The following EZR variants were observed in gnomAD, a reference collection of about 807,000 sequenced individuals.
EZR encodes ezrin, also known as cytovillin 2.
EZR carries 40 observed loss-of-function variants against 74.8 expected under a neutral mutation model. That is an observed-to-expected ratio of 0.53 (90% CI 0.42 to 0.70). The LOEUF is 0.70. Ranked by LOEUF, EZR falls within the 30% of genes least tolerant of loss-of-function variation. EZR has a pLI of 0.00. For missense variants in EZR, 678 were observed against 755.8 expected, an observed-to-expected ratio of 0.90 and a Z score of 1.21; for synonymous variants, 341 against 283.3, an observed-to-expected ratio of 1.20 and a Z score of -2.05.
chr6:158,810,735 GT>G (rs201015323), intron 2 of EZR, among the ~76,000 whole-genome samples: 2,276 of 152,252 alleles, frequency 0.015, 70 homozygotes, highest in African/African-American at 0.052. Flanking sequence ...GGAACCCAGA[GT>G]TTTTACCTAA....
rs960060942 is a variant in EZR, at chr6:158,779,911, T to C, written c.699-3407A>G. 1.4e-3 allele frequency among the ~76,000 whole-genome samples: 133 copies of C among 92,398 alleles called. 1 individual carries two copies. Among genetic ancestry groups the C allele is most frequent in the Non-Finnish European group, 4.9e-4 (22 of 44,506 alleles). 60.6% of individuals were successfully genotyped at this position (92,398 alleles called of 152,430 possible). On this transcript the variant is annotated intron_variant, in intron 7 of 13. Transcript: ENST00000367075. ...TTAAAATGCAAGAATGGGCCAGGCA[T>C]GGTGGCTTACACCTGTATCCCAGCA...
At chr6:158,816,160 C>T (rs1777549082) in intron 2 of EZR, among the ~76,000 whole-genome samples, 1 of 152,012 alleles carries the variant, frequency 6.6e-6, no homozygotes, top group Non-Finnish European at 1.5e-5. Flanking sequence ...TGGTGGTTGC[C>T]AAGGGCTGGT....
chr6:158,803,044 A>G (rs6913904), intron 2 of EZR, among the ~76,000 whole-genome samples: 10,933 of 151,938 alleles, frequency 0.072, 890 homozygotes, highest in African/African-American at 0.19. Context: ...CATGCCACTC[A>G]CACCTCCTTT....
chr6:158,774,018 T>TCC (rs1455434440), intron 8 of EZR, among the ~76,000 whole-genome samples: 1 of 152,180 alleles, frequency 6.6e-6, no homozygotes, highest in Non-Finnish European at 1.5e-5. Flanking sequence ...AGACGCCAGT[T>TCC]GTTGGGTGAG....
chr6:158,818,169 G>A lies in EZR; in HGVS notation c.-73-3C>T. On this transcript the variant is annotated splice_region_variant and splice_polypyrimidine_tract_variant and intron_variant, in intron 1 of 13. Coordinates refer to ENST00000367075, the MANE Select transcript of EZR (RefSeq NM_001111077.2). Reference sequence around the variant, plus strand: ...AGCAGCGAAGACGCTGTCCCAACCTGGAGTCAGAGCAGAACCCTTAGAGCG... The same window carrying A: ...AGCAGCGAAGACGCTGTCCCAACCTAGAGTCAGAGCAGAACCCTTAGAGCG... 1.3e-6 allele frequency: 2 copies of A among 1,566,160 alleles called. No homozygotes were observed. Among genetic ancestry groups the A allele is most frequent in the South Asian group, 1.1e-5 (1 of 88,854 alleles).
At chr6:158,788,666 A>AAC (rs1388669094) in intron 3 of EZR, among the ~76,000 whole-genome samples, 1 of 151,222 alleles carries the variant, frequency 6.6e-6, no homozygotes, top group Non-Finnish European at 1.5e-5. Context: ...AAAAAAAAAC[A>AAC]ACGCTGTATT....
At chr6:158,809,152 C>G (rs908144587) in intron 2 of EZR, among the ~76,000 whole-genome samples, 18 of 152,116 alleles carry the variant, frequency 1.2e-4, no homozygotes, top group African/African-American at 4.1e-4. Context: ...AGACAAAAAG[C>G]ACAAATAAAC....
At position 158,769,396 on chromosome 6, in the gene EZR, G is replaced by C. The variant is rs1791024468; in HGVS notation, c.1274C>G (p.Thr425Ser). 1 of 1,607,772 alleles carries C rather than the reference G, an allele frequency of 6.2e-7. No individual in the cohort carries two copies. Among genetic ancestry groups the C allele is most frequent in the Admixed American group, 1.7e-5 (1 of 60,006 alleles). ...EQLAAELAEYTAKIALLEEAR... is the reference protein window; with the variant it reads ...EQLAAELAEYSAKIALLEEAR... Reference sequence around the variant, plus strand: ...CTCTTCCAGGAGGGCAATCTTGGCAGTGTATTCTGCAAGCTCCGCAGCCTG... The same window carrying C: ...CTCTTCCAGGAGGGCAATCTTGGCACTGTATTCTGCAAGCTCCGCAGCCTG... Residue 425 changes from threonine (T) to serine (S), a missense_variant, in exon 12 of 14, where the codon ACT becomes AGT. Transcript: ENST00000367075.
At chr6:158,813,132 C>G (rs1231590405) in intron 2 of EZR, among the ~76,000 whole-genome samples, 1 of 152,184 alleles carries the variant, frequency 6.6e-6, no homozygotes, top group Non-Finnish European at 1.5e-5. Context: ...CCTGACCTGT[C>G]TTCCTCTCTA....
rs573816250 is a variant in EZR, at chr6:158,785,421, G to C, written c.355C>G (p.Pro119Ala). 113 of 1,614,182 alleles carry C rather than the reference G, an allele frequency of 7.0e-5. No homozygotes were observed. The South Asian group carries it at 1.1e-3, about 16-fold the overall frequency. Reference protein sequence around the residue: ...GILSDEIYCPPETAVLLGSYA... With the variant: ...GILSDEIYCPAETAVLLGSYA... ...GACCCCAAGAGCACGGCAGTCTCAG[G>C]GGGGCAGTAGATCTCATCGCTAAGG... The change falls in exon 5 of 14, where the codon CCT becomes GCT. Residue 119 changes from proline to alanine, a missense_variant. By Grantham distance (27) the Pro-to-Ala change is conservative. This residue lies in a region of EZR where 217 missense variants were observed against 232.2 expected (regional missense o/e 0.93). Coordinates refer to ENST00000367075, the MANE Select transcript of EZR (RefSeq NM_001111077.2).
intron 8 of EZR, among the ~76,000 whole-genome samples, chr6:158,775,254 G>C (rs996454572): frequency 6.6e-6 from 1 of 152,002 alleles, no homozygotes; most frequent in South Asian, 2.1e-4. Flanking sequence ...GGCTGGTCTC[G>C]AACTCCTGAC....
intron 2 of EZR, among the ~76,000 whole-genome samples, chr6:158,792,730 G>C (rs891250839): frequency 6.6e-6 from 1 of 151,432 alleles, no homozygotes; most frequent in Admixed American, 6.6e-5. Context: ...CAGGAGAATG[G>C]CATCAACCCG....
chr6:158,810,550 G>A (rs990199499), intron 2 of EZR, among the ~76,000 whole-genome samples: 2 of 152,094 alleles, frequency 1.3e-5, no homozygotes, highest in Admixed American at 6.6e-5. Context: ...ATATAATAGC[G>A]CTTCAAAACA....
chr6:158,777,328 A>G (rs1791308417), intron 7 of EZR, among the ~76,000 whole-genome samples: 1 of 152,226 alleles, frequency 6.6e-6, no homozygotes, highest in African/African-American at 2.4e-5. Context: ...TCCAACTTCC[A>G]GGACAGCCTT....
At chr6:158,799,907 G>A (rs1448119744) in intron 2 of EZR, among the ~76,000 whole-genome samples, 2 of 152,156 alleles carry the variant, frequency 1.3e-5, no homozygotes, top group Non-Finnish European at 1.5e-5. Context: ...TATATGAAGC[G>A]AACATCTTTC....
chr6:158,767,320 T>C lies in EZR; in HGVS notation c.1537A>G (p.Asn513Asp). ...LSSEGIRDDR[N>D]EEKRITEAEK... ...GCCTCAGTGATGCGCTTCTCCTCAT[T>C]GCGGTCATCCCGGATGCCCTCACTA... The change falls in exon 13 of 14, where the codon AAT (asparagine) becomes GAT (aspartate). Residue 513 changes from asparagine (N) to aspartate (D), a missense_variant. Transcript: ENST00000367075. 2 of 1,614,108 alleles carry C rather than the reference T, an allele frequency of 1.2e-6. No individual in the cohort carries two copies. Among genetic ancestry groups the C allele is most frequent in the South Asian group, 1.1e-5 (1 of 91,070 alleles).
intron 10 of EZR, 28 bp from the exon 11 acceptor site, chr6:158,769,972 CA>C (rs1791048968): frequency 6.2e-7 from 1 of 1,604,504 alleles, no homozygotes; most frequent in Non-Finnish European, 8.5e-7. Context: ...CAGAGCCATT[CA>C]AACCCTCAGC....
At position 158,785,563 on chromosome 6, in the gene EZR, C is replaced by T. The variant is rs1389787297; in HGVS notation, c.213G>A (p.Arg71=). ...LDKKVSAQEV[R]KENPLQFKFR... Reference sequence around the variant, plus strand: ...ACTTGAACTGGAGGGGATTCTCCTTCCTGACCTCCTGGGCAGACACCTGCA... The same window carrying T: ...ACTTGAACTGGAGGGGATTCTCCTTTCTGACCTCCTGGGCAGACACCTGCA... The change falls in exon 5 of 14, where the codon AGG becomes AGA. Residue 71 remains arginine (R), a synonymous_variant. Coordinates refer to ENST00000367075, the MANE Select transcript of EZR (RefSeq NM_001111077.2). The T allele has an allele frequency of 6.2e-7, 1 of 1,614,052 alleles. No homozygotes were observed.
At chr6:158,812,889 C>A (rs1208638173) in intron 2 of EZR, among the ~76,000 whole-genome samples, 6 of 152,128 alleles carry the variant, frequency 3.9e-5, no homozygotes, top group African/African-American at 1.4e-4. Context: ...TCAATTCTAC[C>A]TCCCAAAGAA....
Sources: allele counts gnomAD v4.1 joint callset (sites outside exome capture counted in the v4.1 genomes callset), GRCh38; gene constraint gnomAD v4.1.1; regional missense constraint gnomAD v4.1.1; transcripts MANE v1.5; gene names NCBI Gene and HGNC (gene_info 2026-07-23, HGNC 2026-07-21).